Variants in NEK2 observed in about 807,000 individuals in gnomAD.
NEK2 encodes the protein NIMA related kinase 2.
NEK2 carries 28 observed loss-of-function variants against 54.1 expected under a neutral mutation model. That is an observed-to-expected ratio of 0.52 (90% CI 0.38 to 0.71). The LOEUF (loss-of-function observed/expected upper bound fraction) is 0.71. Among genes scored for constraint, NEK2 ranks in the 30% least tolerant of loss-of-function variants. NEK2 has a pLI of 0.00. For missense variants in NEK2, 407 were observed against 531.5 expected (o/e 0.77, Z 2.30); for synonymous variants, 176 against 193.1 (o/e 0.91, Z 0.73).
At chr1:211,668,440 G>C (rs2102442669) in intron 6 of NEK2, among the ~76,000 whole-genome samples, 1 of 152,262 alleles carries the variant, frequency 6.6e-6, no homozygotes, top group Middle Eastern at 3.4e-3. Flanking sequence ...ATACCCACCA[G>C]AGTATTATTT....
downstream of NEK2, among the ~76,000 whole-genome samples, chr1:211,658,479 C>A (rs543591225): frequency 5.2e-4 from 78 of 151,350 alleles, 1 homozygote; most frequent in South Asian, 0.016. Context: ...AACAGACAAG[C>A]CATATTCATA....
chr1:211,661,192 A>C (rs1571636816), downstream of NEK2: 1 of 732,338 alleles, frequency 1.4e-6, no homozygotes, highest in East Asian at 2.6e-5. Flanking sequence ...ATCCGGGAGA[A>C]GTGCTGAATG....
At chr1:211,661,284 GA>G, downstream of NEK2, 1 of 592,984 alleles carries the variant, frequency 1.7e-6, no homozygotes, top group South Asian at 1.7e-5. Context: ...TCTATTCCTG[GA>G]TGCGGGTTCC....
intron 1 of NEK2, 101 bp from the exon 2 acceptor site, chr1:211,674,614 C>CTA: frequency 1.2e-6 from 1 of 841,068 alleles, no homozygotes; most frequent in Non-Finnish European, 1.8e-6. Flanking sequence ...TAATTATATC[C>CTA]TACAATCAAG....
At chr1:211,665,158 T>C (rs1458900757) in intron 7 of NEK2, among the ~76,000 whole-genome samples, 1 of 152,244 alleles carries the variant, frequency 6.6e-6, no homozygotes, top group Admixed American at 6.5e-5. Flanking sequence ...TTGTGATGGC[T>C]TCCTCACGTG....
At chr1:211,666,987 C>T in intron 7 of NEK2, 119 bp downstream of exon 7, 3 of 1,516,244 alleles carry the variant, frequency 2.0e-6, no homozygotes, top group Non-Finnish European at 2.6e-6. Flanking sequence ...CAATGAAATC[C>T]ATCTTAAAAT....
intron 7 of NEK2, among the ~76,000 whole-genome samples, chr1:211,665,491 G>A (rs1369079895): frequency 3.3e-5 from 5 of 152,062 alleles, no homozygotes; most frequent in African/African-American, 4.8e-5. Flanking sequence ...CTCTTTAACC[G>A]AACAGCCATC....
intron 7 of NEK2, among the ~76,000 whole-genome samples, chr1:211,665,558 G>A (rs1204556228): frequency 1.3e-5 from 2 of 152,036 alleles, no homozygotes; most frequent in Non-Finnish European, 2.9e-5. Context: ...AATTCATCCA[G>A]GTAAAATTTT....
At chr1:211,674,762 C>T (rs1029815776) in intron 1 of NEK2, among the ~76,000 whole-genome samples, 1 of 152,098 alleles carries the variant, frequency 6.6e-6, no homozygotes, top group Non-Finnish European at 1.5e-5. Flanking sequence ...CCAACCCCTA[C>T]CCTCAGTTGG....
At chr1:211,666,616 C>T (rs1037985011) in intron 7 of NEK2, 19 of 335,438 alleles carry the variant, frequency 5.7e-5, no homozygotes, top group Middle Eastern at 1.4e-3. Context: ...CTGGCTAACA[C>T]GGTGAAACCC....
At chr1:211,661,390 A>C (rs1284942358), downstream of NEK2, 1 of 322,152 alleles carries the variant, frequency 3.1e-6, no homozygotes, top group East Asian at 6.7e-5. Flanking sequence ...TGGAAAAAAA[A>C]CAAACTTTAT....
At chr1:211,669,019 T>C (rs1403223137) in intron 6 of NEK2, 94 bp downstream of exon 6, 1 of 1,123,600 alleles carries the variant, frequency 8.9e-7, no homozygotes, top group Admixed American at 2.2e-5. Context: ...ATAAGATCTG[T>C]ATGTATAAAA....
intron 5 of NEK2, among the ~76,000 whole-genome samples, chr1:211,669,748 G>A (rs1423705640): frequency 1.3e-5 from 2 of 152,118 alleles, no homozygotes; most frequent in African/African-American, 2.4e-5. Flanking sequence ...GTGATCCTAC[G>A]GCATTTTCCT....
intron 7 of NEK2, among the ~76,000 whole-genome samples, chr1:211,665,234 G>T (rs567782003): frequency 6.6e-6 from 1 of 151,962 alleles, no homozygotes; most frequent in East Asian, 1.9e-4. Context: ...AATGGTACCC[G>T]CTCCCCACTG....
At chr1:211,667,298 T>C (rs1216693733) in intron 6 of NEK2, 67 bp from the exon 7 acceptor site, 3 of 1,486,104 alleles carry the variant, frequency 2.0e-6, no homozygotes, top group Non-Finnish European at 2.7e-6. Context: ...ACAATTTACA[T>C]TTGGCAATCT....
chr1:211,669,690 ACT>A (rs1432130508), intron 5 of NEK2, among the ~76,000 whole-genome samples: 1 of 151,946 alleles, frequency 6.6e-6, no homozygotes, highest in Non-Finnish European at 1.5e-5. Context: ...TTAGCAAGAT[ACT>A]CTCTCACTGA....
downstream of NEK2, chr1:211,660,084 G>A (rs577808098): frequency 2.8e-4 from 48 of 171,108 alleles, no homozygotes; most frequent in Admixed American, 1.2e-4. Flanking sequence ...TGGCCACCAC[G>A]CCCAGCTGGA....
At chr1:211,662,074 C>T (rs142384896), downstream of NEK2, among the ~76,000 whole-genome samples, 96 of 152,304 alleles carry the variant, frequency 6.3e-4, 2 homozygotes, top group East Asian at 9.4e-3. The surrounding 1 kb of genome is among the most constrained non-coding windows in gnomAD (Gnocchi z 4.2). Context: ...TCTAGGGATT[C>T]CTTAATCCAG....
chr1:211,668,268 C>T (rs1425641321), intron 6 of NEK2, among the ~76,000 whole-genome samples: 1 of 152,106 alleles, frequency 6.6e-6, no homozygotes, highest in Admixed American at 6.5e-5. Flanking sequence ...AAATACGACC[C>T]CATCTCTCGT....
Sources: gnomAD v4.1 joint callset for allele counts (sites outside exome capture counted in the v4.1 genomes callset) on GRCh38, gnomAD v4.1.1 for gene constraint, Gnocchi (gnomAD v3.1) non-coding constraint, MANE v1.5 for transcripts, NCBI Gene and HGNC (gene_info 2026-07-23, HGNC 2026-07-21) for gene names.